The following ANK2 variants were observed in gnomAD, a reference collection of about 807,000 sequenced individuals.
ANK2 encodes ankyrin 2, also known as ankyrin-2.
Under a neutral mutation model 360.5 loss-of-function variants are expected in ANK2, and 83 were observed. The ratio of observed to expected loss-of-function variants is 0.23; its 90% confidence interval spans 0.19 to 0.28. The LOEUF (loss-of-function observed/expected upper bound fraction) is 0.28. ANK2 is among the 10% of genes least tolerant of loss of function. The probability of loss-of-function intolerance (pLI) is 1.00; values close to 1 mark genes in which losing one functional copy is unlikely to be tolerated. For synonymous variants in ANK2, 1,740 were observed against 1,759.5 expected (o/e 0.99, Z 0.28); for missense variants, 4,201 against 4,795.7 (o/e 0.88, Z 3.66).
At chr4:113,323,246 T>G (rs1346398416) in intron 26 of ANK2, among the ~76,000 whole-genome samples, 1 of 152,180 alleles carries the variant, frequency 6.6e-6, no homozygotes, top group African/African-American at 2.4e-5. Context: ...GATACTCTAG[T>G]AGGTAATTGA....
chr4:113,283,490 G>A (rs531369983), intron 18 of ANK2, among the ~76,000 whole-genome samples: 24 of 152,058 alleles, frequency 1.6e-4, no homozygotes, highest in Non-Finnish European at 3.1e-4. Flanking sequence ...AGTCATTTTA[G>A]CCTTTCTCCA....
intron 1 of ANK2, among the ~76,000 whole-genome samples, chr4:112,900,644 T>G (rs1183463090): frequency 1.3e-5 from 2 of 152,182 alleles, no homozygotes; most frequent in African/African-American, 4.8e-5. Context: ...AAGCCAATAT[T>G]AACCCAACTT....
intron 2 of ANK2, among the ~76,000 whole-genome samples, chr4:113,012,676 G>A (rs1295782050): frequency 6.6e-6 from 1 of 152,148 alleles, no homozygotes; most frequent in Non-Finnish European, 1.5e-5. Flanking sequence ...AATTTGAGAA[G>A]TGTGTAAAAC....
At chr4:113,279,355 T>A (rs572049072) in intron 17 of ANK2, among the ~76,000 whole-genome samples, 2 of 152,322 alleles carry the variant, frequency 1.3e-5, no homozygotes, top group Non-Finnish European at 2.9e-5. Flanking sequence ...CCGAGCACTT[T>A]ACAGGCAATA....
At position 113,378,071 on chromosome 4, in the gene ANK2, T is replaced by C. The variant is rs570838588; in HGVS notation, c.11860-3386T>C. ...ATAGTTTATGATGAGCTTTGTCTTTTCTTTTCTTCTTACTTCAGGCTTTGA... is the reference window on the plus strand; with the variant it reads ...ATAGTTTATGATGAGCTTTGTCTTTCCTTTTCTTCTTACTTCAGGCTTTGA... On this transcript the variant is annotated intron_variant, in intron 45 of 45. Coordinates refer to ENST00000357077, the MANE Select transcript of ANK2 (RefSeq NM_001148.6). 8.4e-6 allele frequency: 10 copies of C among 1,192,688 alleles called. No individual in the cohort carries two copies. In the African/African-American group the frequency reaches 1.6e-4, roughly 19 times the overall value. The allele number at this position is 1,192,688 out of a possible 1,614,324, so 73.9% of individuals were successfully genotyped here. A position where few individuals can be genotyped will look rare whatever the true frequency, so the allele number is the denominator to read the frequency against.
At chr4:113,243,831 T>C (rs2041346208) in intron 9 of ANK2, among the ~76,000 whole-genome samples, 1 of 152,204 alleles carries the variant, frequency 6.6e-6, no homozygotes, top group Non-Finnish European at 1.5e-5. Context: ...CTTTATGAGA[T>C]TACCACTGGA....
At chr4:112,955,778 G>T (rs1456685457) in intron 2 of ANK2, among the ~76,000 whole-genome samples, 2 of 152,312 alleles carry the variant, frequency 1.3e-5, no homozygotes, top group East Asian at 3.8e-4. Context: ...GGGTTAGGGA[G>T]AGAAGGTAAA....
rs556084827 is a variant in ANK2 at position 113,376,919 on chromosome 4, T to C, written c.11859+3470T>C. Among the ~76,000 whole-genome samples the C allele has an allele frequency of 3.3e-5, 5 of 150,874 alleles. No individual in the cohort carries two copies. In the South Asian group the frequency reaches 1.1e-3, roughly 32 times the overall value. ...CTTCCTCCTCCACATATTGTCCCAC[T>C]GGAAGGTATTCAGGAGCAATAACAT... On this transcript the variant is annotated intron_variant, in intron 45 of 45. Transcript: ENST00000357077.
intron 1 of ANK2, among the ~76,000 whole-genome samples, chr4:113,140,450 G>A (rs183430565): frequency 7.2e-5 from 11 of 152,238 alleles, no homozygotes; most frequent in African/African-American, 2.2e-4. Context: ...AAAATATAAA[G>A]TATTGACTAA....
At chr4:113,205,235 CA>C (rs369993364) in intron 4 of ANK2, among the ~76,000 whole-genome samples, 315 of 64,004 alleles carry the variant, frequency 4.9e-3, no homozygotes, top group Middle Eastern at 0.016. Flanking sequence ...GACTCCGTCT[CA>C]AAAAAAAAAA....
intron 1 of ANK2, among the ~76,000 whole-genome samples, chr4:113,061,283 C>T (rs989561010): frequency 3.9e-5 from 6 of 152,026 alleles, no homozygotes; most frequent in African/African-American, 7.2e-5. Flanking sequence ...TGTAACAAAA[C>T]GCCTTGATCA....
intron 1 of ANK2, among the ~76,000 whole-genome samples, chr4:112,883,880 GTA>G (rs926970875): frequency 6.7e-6 from 1 of 148,278 alleles, no homozygotes; most frequent in African/African-American, 2.5e-5. Context: ...GTATATATAT[GTA>G]TATATATGTG....
At chr4:112,706,965 T>C in the ANK2 span, among the ~76,000 whole-genome samples, 63 of 152,188 alleles carry the variant, frequency 4.1e-4, no homozygotes, top group Non-Finnish European at 7.2e-4. Context: ...CTAGATTTTT[T>C]CCCCCCGGCT....
chr4:113,032,772 T>C (rs2060690466), intron 2 of ANK2, among the ~76,000 whole-genome samples: 1 of 152,086 alleles, frequency 6.6e-6, no homozygotes, highest in Non-Finnish European at 1.5e-5. Flanking sequence ...CCTGTAGTGT[T>C]TTCCCCCTGA....
At chr4:112,723,645 C>G in the ANK2 span, among the ~76,000 whole-genome samples, 6 of 151,976 alleles carry the variant, frequency 3.9e-5, no homozygotes, top group Non-Finnish European at 5.9e-5. Context: ...ATTACAGGCA[C>G]GAGCCACCGC....
intron 1 of ANK2, among the ~76,000 whole-genome samples, chr4:113,057,094 G>C (rs1178395200): frequency 6.6e-6 from 1 of 152,126 alleles, no homozygotes; most frequent in African/African-American, 2.4e-5. Context: ...AGGTGCTATG[G>C]CATGGCTAGG....
chr4:113,374,331 A>G (rs1349018614), intron 45 of ANK2, among the ~76,000 whole-genome samples: 1 of 152,202 alleles, frequency 6.6e-6, no homozygotes, highest in African/African-American at 2.4e-5. Context: ...CACATCCTCA[A>G]AATTTTATAT....
intron 1 of ANK2, among the ~76,000 whole-genome samples, chr4:112,868,300 TC>T (rs2071472098): frequency 6.6e-6 from 1 of 152,234 alleles, no homozygotes; most frequent in Admixed American, 6.5e-5. Flanking sequence ...GGCACATAGT[TC>T]CAGAGACTAG....
intron 1 of ANK2, among the ~76,000 whole-genome samples, chr4:113,160,041 C>A (rs2097461817): frequency 6.6e-6 from 1 of 152,060 alleles, no homozygotes; most frequent in Admixed American, 6.6e-5. Flanking sequence ...TATCTGTTAA[C>A]CTAATTAAAG....
Sources: gnomAD v4.1 joint callset for allele counts (sites outside exome capture counted in the v4.1 genomes callset) on GRCh38, gnomAD v4.1.1 for gene constraint, MANE v1.5 for transcripts, NCBI Gene and HGNC (gene_info 2026-07-23, HGNC 2026-07-21) for gene names.